The following TNFSF4 variants were observed in gnomAD, a reference collection of about 807,000 sequenced individuals.
The protein encoded by TNFSF4 is TNF superfamily member 4.
A neutral mutation model predicts 7.3 loss-of-function variants in TNFSF4; 4 were observed. The ratio of observed to expected loss-of-function variants is 0.55; its 90% CI spans 0.27 to 1.25. TNFSF4 has a LOEUF of 1.25. Among genes scored for constraint, TNFSF4 ranks in the 50% most tolerant of loss-of-function variants. TNFSF4 has a pLI of 0.12. For synonymous variants in TNFSF4, 76 were observed against 83.7 expected, an observed-to-expected ratio of 0.91 and a Z score of 0.50; for missense variants, 181 against 208.8, an observed-to-expected ratio of 0.87 and a Z score of 0.82.
chr1:173,260,153 C>G, the TNFSF4 span, among the ~76,000 whole-genome samples: 28 of 152,308 alleles, frequency 1.8e-4, no homozygotes, highest in Admixed American at 1.5e-3. Context: ...TCAGTGGAAA[C>G]TCTACAAGCC....
the TNFSF4 span, among the ~76,000 whole-genome samples, chr1:173,411,487 C>T: frequency 2.0e-5 from 3 of 152,160 alleles, no homozygotes; most frequent in African/African-American, 7.2e-5. Context: ...AGCAGAAGAG[C>T]TCAATAAAAT....
chr1:173,335,647 C>T, the TNFSF4 span, among the ~76,000 whole-genome samples: 1 of 152,274 alleles, frequency 6.6e-6, no homozygotes, highest in East Asian at 1.9e-4. Flanking sequence ...TGTTCTAGGT[C>T]AAGTGAACAA....
the TNFSF4 span, among the ~76,000 whole-genome samples, chr1:173,428,449 G>A: frequency 2.0e-5 from 3 of 152,060 alleles, no homozygotes; most frequent in Non-Finnish European, 4.4e-5. Flanking sequence ...AAACAGAGAG[G>A]GACATGGAAG....
chr1:173,382,509 A>G, the TNFSF4 span, among the ~76,000 whole-genome samples: 1 of 152,238 alleles, frequency 6.6e-6, no homozygotes, highest in African/African-American at 2.4e-5. Context: ...CCACCATGGC[A>G]TGTGTATACC....
At chr1:173,351,559 A>T in the TNFSF4 span, 1 of 22,662 alleles carries the variant, frequency 4.4e-5, no homozygotes, top group Admixed American at 6.5e-4. Flanking sequence ...AGATTTTTTT[A>T]AAGCTTCAAA....
the TNFSF4 span, chr1:173,175,169 T>A: frequency 1.3e-5 from 2 of 152,188 alleles, no homozygotes; most frequent in Non-Finnish European, 2.9e-5. Flanking sequence ...ATTTGTATGA[T>A]GGCAGAGCAG....
the TNFSF4 span, among the ~76,000 whole-genome samples, chr1:173,230,037 T>C: frequency 6.6e-6 from 1 of 152,090 alleles, no homozygotes; most frequent in Non-Finnish European, 1.5e-5. Flanking sequence ...GACAGAAAGT[T>C]GACAAGGATA....
chr1:173,221,997 T>C, the TNFSF4 span, among the ~76,000 whole-genome samples: 1 of 152,230 alleles, frequency 6.6e-6, no homozygotes, highest in Non-Finnish European at 1.5e-5. Flanking sequence ...GCAGGCAATG[T>C]GCATGGCATA....
the TNFSF4 span, among the ~76,000 whole-genome samples, chr1:173,376,806 T>C: frequency 1.3e-5 from 2 of 152,196 alleles, no homozygotes; most frequent in Admixed American, 6.5e-5. Flanking sequence ...CTCTTCAAAA[T>C]AAATCTTGCT....
the TNFSF4 span, among the ~76,000 whole-genome samples, chr1:173,244,514 C>A: frequency 0.01 from 1,511 of 149,654 alleles, 22 homozygotes; most frequent in Middle Eastern, 0.041. Context: ...TAGTGGCGGG[C>A]GCCTGTAGTC....
At chr1:173,239,609 G>A in the TNFSF4 span, among the ~76,000 whole-genome samples, 1 of 152,214 alleles carries the variant, frequency 6.6e-6, no homozygotes, top group South Asian at 2.1e-4. Context: ...TGATCAAGCA[G>A]CTTGGAACGG....
At chr1:173,409,774 T>C in the TNFSF4 span, among the ~76,000 whole-genome samples, 1,402 of 152,206 alleles carry the variant, frequency 9.2e-3, 11 homozygotes, top group Admixed American at 0.015. Flanking sequence ...CAGGCAGTGG[T>C]TACGCTGGCA....
chr1:173,188,239 A>T (rs61828261), intron 2 of TNFSF4, among the ~76,000 whole-genome samples: 22,810 of 152,236 alleles, frequency 0.15, 2,153 homozygotes, highest in Middle Eastern at 0.27. Context: ...AGAAATGGAA[A>T]TAATTTCTAC....
the TNFSF4 span, among the ~76,000 whole-genome samples, chr1:173,289,825 C>A: frequency 2.0e-5 from 3 of 151,768 alleles, no homozygotes; most frequent in South Asian, 2.1e-4. Flanking sequence ...CAATAGAAAC[C>A]ACCTAAACCT....
At chr1:173,244,466 C>T in the TNFSF4 span, among the ~76,000 whole-genome samples, 2 of 151,474 alleles carry the variant, frequency 1.3e-5, no homozygotes, top group South Asian at 4.2e-4. Flanking sequence ...AACGGTGAAA[C>T]CCCGTCTCTA....
At chr1:173,189,110 T>C (rs1286834662) in intron 1 of TNFSF4, among the ~76,000 whole-genome samples, 1 of 152,200 alleles carries the variant, frequency 6.6e-6, no homozygotes, top group Non-Finnish European at 1.5e-5. Context: ...TTAGGACTAT[T>C]GTGCTCCTTC....
At chr1:173,364,643 C>G in the TNFSF4 span, among the ~76,000 whole-genome samples, 1 of 151,906 alleles carries the variant, frequency 6.6e-6, no homozygotes, top group African/African-American at 2.4e-5. Context: ...ATTTTGTTAT[C>G]CAATCAGGAT....
At chr1:173,403,529 C>G in the TNFSF4 span, among the ~76,000 whole-genome samples, 5 of 151,890 alleles carry the variant, frequency 3.3e-5, no homozygotes, top group Non-Finnish European at 7.4e-5. Flanking sequence ...CATTTTCTGA[C>G]AGATCTACAT....
the TNFSF4 span, among the ~76,000 whole-genome samples, chr1:173,350,702 T>C: frequency 6.6e-6 from 1 of 152,188 alleles, no homozygotes; most frequent in East Asian, 1.9e-4. Context: ...AACCTCTAGA[T>C]GCAACATCTA....
Sources: gnomAD v4.1 joint callset for allele counts (sites outside exome capture counted in the v4.1 genomes callset) on GRCh38, gnomAD v4.1.1 for gene constraint, MANE v1.5 for transcripts, NCBI Gene and HGNC (gene_info 2026-07-23, HGNC 2026-07-21) for gene names.